The following ROBO1 variants were observed in gnomAD, a reference collection of about 807,000 sequenced individuals.
ROBO1 encodes the protein roundabout guidance receptor 1.
Under a neutral mutation model 195.9 loss-of-function variants are expected in ROBO1, and 149 were observed. That is an observed-to-expected ratio of 0.76 (90% CI 0.67 to 0.87). The LOEUF is 0.87. Ranked by LOEUF, ROBO1 falls within the 40% of genes least tolerant of loss-of-function variation. The probability of loss-of-function intolerance (pLI) is 0.00; values close to 1 mark genes in which losing one functional copy is unlikely to be tolerated. For synonymous variants in ROBO1, 816 were observed against 733.2 expected (o/e 1.11, Z -1.82); for missense variants, 1,933 against 2,068.3 (o/e 0.93, Z 1.27).
At chr3:79,407,851 G>T (rs149597540) in intron 2 of ROBO1, among the ~76,000 whole-genome samples, 3 of 152,102 alleles carry the variant, frequency 2.0e-5, no homozygotes, top group Middle Eastern at 3.4e-3. Context: ...AACATAATTC[G>T]ATGTATAGTG....
chr3:79,381,319 T>C (rs2036560885), intron 2 of ROBO1, among the ~76,000 whole-genome samples: 2 of 131,386 alleles, frequency 1.5e-5, no homozygotes, highest in Admixed American at 8.8e-5. Flanking sequence ...ACCATGCCAT[T>C]GCACTCCAGC....
chr3:79,767,514 G>A (rs185167339), intron 1 of ROBO1, among the ~76,000 whole-genome samples: 1 of 152,172 alleles, frequency 6.6e-6, no homozygotes, highest in African/African-American at 2.4e-5. Flanking sequence ...TCGCATCCCT[G>A]CAGGAAAACT....
chr3:79,044,880 A>G (rs1165146950), intron 3 of ROBO1, among the ~76,000 whole-genome samples: 1 of 152,148 alleles, frequency 6.6e-6, no homozygotes, highest in East Asian at 1.9e-4. Flanking sequence ...GGAAATAATT[A>G]TATCTCAGTT....
intron 4 of ROBO1, among the ~76,000 whole-genome samples, chr3:78,820,825 A>G (rs2030825400): frequency 6.6e-6 from 1 of 152,146 alleles, no homozygotes; most frequent in South Asian, 2.1e-4. Context: ...TGCCATCACA[A>G]TTTCTTTCTG....
At chr3:79,575,485 TAACA>T (rs954585484) in intron 2 of ROBO1, among the ~76,000 whole-genome samples, 3 of 131,434 alleles carry the variant, frequency 2.3e-5, no homozygotes, top group African/African-American at 8.5e-5. Flanking sequence ...TAAATATATA[TAACA>T]AATATATAAA....
intron 4 of ROBO1, among the ~76,000 whole-genome samples, chr3:78,833,344 G>T (rs1308032453): frequency 1.3e-5 from 2 of 152,258 alleles, no homozygotes; most frequent in East Asian, 3.9e-4. Flanking sequence ...TTCGTTTTTA[G>T]CTTAGTGGGC....
At chr3:78,954,939 G>A (rs901195880) in intron 3 of ROBO1, among the ~76,000 whole-genome samples, 7 of 135,538 alleles carry the variant, frequency 5.2e-5, no homozygotes, top group African/African-American at 1.3e-4. Flanking sequence ...TCTTACTTTC[G>A]TGTTTAAAAA....
In ROBO1 at chr3:79,291,660, T is replaced by C. The variant is rs145641671; in HGVS notation, c.89-166121A>G. Among the ~76,000 whole-genome samples the C allele has an allele frequency of 5.5e-3, 840 of 152,288 alleles. 4 individuals are homozygous for C. The highest frequency in any genetic ancestry group is 8.8e-3 in the Non-Finnish European group (601 of 68,020). ...TACATCTTCAATGCATAGCACAATA[T>C]CAGTCTTATTGCAGGTTGTAAATAG... On this transcript the variant is annotated intron_variant, in intron 2 of 30. Transcript: ENST00000464233.
chr3:79,294,696 T>C (rs1020532835), intron 2 of ROBO1, among the ~76,000 whole-genome samples: 47 of 152,034 alleles, frequency 3.1e-4, no homozygotes, highest in African/African-American at 8.9e-4. Context: ...TTGCAATCTA[T>C]CCATCTCACA....
At position 79,089,944 on chromosome 3, in the gene ROBO1, T is replaced by TC. The variant is rs201700709; in HGVS notation, c.172+35511_172+35512insG. ...ATATCATCCAGTTATTCTTTCTTTT[T>TC]TTTTTTTTTTTTTAAGACGGAGTCT... On this transcript the variant is annotated intron_variant, in intron 3 of 30. Transcript: ENST00000464233. Among the ~76,000 whole-genome samples the TC allele has an allele frequency of 4.9e-4, 63 of 127,732 alleles. 1 individual carries two copies. Among genetic ancestry groups the TC allele is most frequent in the East Asian group, 9.6e-4 (4 of 4,184 alleles). 83.8% of individuals were successfully genotyped at this position (127,732 alleles called of 152,430 possible).
At chr3:79,480,410 G>A (rs969740601) in intron 2 of ROBO1, among the ~76,000 whole-genome samples, 23 of 152,042 alleles carry the variant, frequency 1.5e-4, no homozygotes, top group African/African-American at 5.6e-4. Context: ...AAATCAATAT[G>A]GGTCTAAAGA....
chr3:79,589,214 G>T (rs7432676), intron 2 of ROBO1, among the ~76,000 whole-genome samples: 52,706 of 151,170 alleles, frequency 0.35, 9,211 homozygotes, highest in African/African-American at 0.37. Flanking sequence ...CCATACATTG[G>T]ACCTAATTAA....
At chr3:79,482,704 A>G (rs1174355549) in intron 2 of ROBO1, among the ~76,000 whole-genome samples, 2 of 152,242 alleles carry the variant, frequency 1.3e-5, no homozygotes, top group East Asian at 3.8e-4. Flanking sequence ...ACAGTATAAA[A>G]TAAGTGCAAA....
intron 3 of ROBO1, among the ~76,000 whole-genome samples, chr3:79,111,397 C>T (rs1159566381): frequency 6.6e-6 from 1 of 152,148 alleles, no homozygotes; most frequent in Non-Finnish European, 1.5e-5. Flanking sequence ...AAACTGAATA[C>T]CTGATCTCCC....
intron 4 of ROBO1, among the ~76,000 whole-genome samples, chr3:78,836,141 T>A (rs575207603): frequency 4.6e-5 from 7 of 152,324 alleles, no homozygotes; most frequent in African/African-American, 1.7e-4. Flanking sequence ...GCCTTAATTT[T>A]CATATTCCAG....
intron 2 of ROBO1, among the ~76,000 whole-genome samples, chr3:79,467,821 C>T (rs918836673): frequency 6.6e-6 from 1 of 152,166 alleles, no homozygotes; most frequent in Non-Finnish European, 1.5e-5. Flanking sequence ...CCTAGACTGC[C>T]GTGGGGCTAG....
chr3:78,768,971 G>A (rs756601305), intron 4 of ROBO1, among the ~76,000 whole-genome samples: 1 of 151,938 alleles, frequency 6.6e-6, no homozygotes, highest in Non-Finnish European at 1.5e-5. Context: ...ATTGAGGCTC[G>A]TTTTATAGCC....
chr3:79,388,622 T>C (rs1022519779), intron 2 of ROBO1, among the ~76,000 whole-genome samples: 5 of 151,982 alleles, frequency 3.3e-5, no homozygotes, highest in Admixed American at 2.0e-4. Flanking sequence ...GGCAGGCACA[T>C]GGAAGCCCAC....
chr3:78,919,237 A>G (rs941761163), intron 4 of ROBO1, among the ~76,000 whole-genome samples: 4 of 152,198 alleles, frequency 2.6e-5, no homozygotes, highest in Non-Finnish European at 4.4e-5. Flanking sequence ...GAACAGGGGA[A>G]TTCACACACA....
Sources: allele counts gnomAD v4.1 joint callset (sites outside exome capture counted in the v4.1 genomes callset), GRCh38; gene constraint gnomAD v4.1.1; transcripts MANE v1.5; gene names NCBI Gene and HGNC (gene_info 2026-07-23, HGNC 2026-07-21).